Variants in PCDHGA3 observed in about 807,000 individuals in gnomAD.
The protein encoded by PCDHGA3 is protocadherin gamma subfamily A, 3.
Under a neutral mutation model 58.5 loss-of-function variants are expected in PCDHGA3, and 40 were observed. That is an observed-to-expected ratio of 0.68 (90% CI 0.53 to 0.89). The LOEUF (loss-of-function observed/expected upper bound fraction) is 0.89. Ranked by LOEUF, PCDHGA3 falls within the 40% of genes least tolerant of loss-of-function variation. The probability of loss-of-function intolerance (pLI) is 0.00; values close to 1 mark genes in which losing one functional copy is unlikely to be tolerated. For synonymous variants in PCDHGA3, 530 were observed against 525.7 expected (o/e 1.01, Z -0.11); for missense variants, 1,223 against 1,195.9 (o/e 1.02, Z -0.33).
chr5:141,350,765 A>G (rs1261918788), intron 1 of PCDHGA3: 1 of 1,613,858 alleles, frequency 6.2e-7, no homozygotes, highest in Non-Finnish European at 8.5e-7. Context: ...GTTATACACC[A>G]TCAACCCCAA....
rs531285035 is a variant in PCDHGA3, at chr5:141,493,409, C to T, written c.2425-1398C>T. Among the ~76,000 whole-genome samples, 4 of 152,286 alleles carry T rather than the reference C, an allele frequency of 2.6e-5. No homozygotes were observed. The East Asian group carries it at 7.7e-4, about 29-fold the overall frequency. On this transcript the variant is annotated intron_variant, in intron 1 of 3. Coordinates refer to ENST00000253812, the MANE Select transcript of PCDHGA3 (RefSeq NM_018916.4). The surrounding 1 kb of genome is among the most constrained non-coding windows in gnomAD (Gnocchi z 4.3). Reference sequence around the variant, plus strand: ...GGACAGGAGAGGGGAGTTGCCTCTGCTGGGATTTTGCTTCTGCTGGGATGG... The same window carrying T: ...GGACAGGAGAGGGGAGTTGCCTCTGTTGGGATTTTGCTTCTGCTGGGATGG...
intron 1 of PCDHGA3, chr5:141,468,381 G>A (rs1297428363): frequency 2.0e-5 from 3 of 149,754 alleles, no homozygotes; most frequent in South Asian, 2.1e-4. Flanking sequence ...AGCCATACAA[G>A]GCTACCCATT....
chr5:141,350,595 A>G (rs1318034873), intron 1 of PCDHGA3: 2 of 1,614,002 alleles, frequency 1.2e-6, no homozygotes, highest in African/African-American at 1.3e-5. Flanking sequence ...AACCCAATGA[A>G]TGTTTTCCAC....
Position 141,345,110 on chromosome 5 carries a change from G to A in PCDHGA3, c.1077G>A (p.Glu359=). The stretch of plus-strand genomic sequence containing the variant: ...CTCTCACAAGCTCAGTCCCAGAAGA[G>A]GGCACCGTTGGAAGAGAAATTGCTC... ...ITSLTSSVPE[E]GTVGREIALI... is the part of the protein sequence containing the mutation. The change falls in exon 1 of 4, where the codon GAG becomes GAA. Residue 359 remains glutamate, a synonymous_variant. Coordinates refer to ENST00000253812, the MANE Select transcript of PCDHGA3 (RefSeq NM_018916.4). The A allele has an allele frequency of 6.2e-7, 1 of 1,613,944 alleles. No individual in the cohort carries two copies. The highest frequency in any genetic ancestry group is 2.2e-5 in the East Asian group (1 of 44,882).
intron 1 of PCDHGA3, chr5:141,360,285 C>T: frequency 1.2e-6 from 2 of 1,613,972 alleles, no homozygotes; most frequent in Non-Finnish European, 1.7e-6. Context: ...TAGGAAACCT[C>T]GCCAAGGATC....
At chr5:141,356,834 A>ATG in intron 1 of PCDHGA3, 2 of 1,614,166 alleles carry the variant, frequency 1.2e-6, no homozygotes, top group Non-Finnish European at 1.7e-6. Flanking sequence ...CTCAGCAGCA[A>ATG]TGTGTCACTG....
intron 1 of PCDHGA3, among the ~76,000 whole-genome samples, chr5:141,347,888 A>T (rs1371137056): frequency 3.3e-5 from 5 of 152,176 alleles, no homozygotes; most frequent in African/African-American, 7.2e-5. Flanking sequence ...TTTGATTTCA[A>T]CATTTTGCCT....
intron 1 of PCDHGA3, among the ~76,000 whole-genome samples, chr5:141,354,179 G>A (rs1271601077): frequency 6.6e-6 from 1 of 152,076 alleles, no homozygotes; most frequent in Non-Finnish European, 1.5e-5. Context: ...ACTATTATCT[G>A]CACTTTATAG....
chr5:141,374,554 C>G (rs1412584015), intron 1 of PCDHGA3: 1 of 1,613,560 alleles, frequency 6.2e-7, no homozygotes, highest in African/African-American at 1.3e-5. Flanking sequence ...TAATGGAGGT[C>G]TATGACCCTG....
rs756300628 is a variant in PCDHGA3, at chr5:141,345,902, G to T, written c.1869G>T (p.Thr623=). 2.5e-6 allele frequency: 4 copies of T among 1,611,582 alleles called. No homozygotes were observed. The highest frequency in any genetic ancestry group is 1.7e-5 in the Admixed American group (1 of 59,860). Residue 623 remains threonine (T), a synonymous_variant, in exon 1 of 4, where the codon ACG becomes ACT. Coordinates refer to ENST00000253812, the MANE Select transcript of PCDHGA3 (RefSeq NM_018916.4). ...EPGLFSVGLH[T]GEVRTARALL... is the part of the protein sequence containing the mutation. ...GACTCTTCTCGGTGGGTCTGCACAC[G>T]GGCGAGGTGCGCACGGCGCGAGCCC...
At chr5:141,470,649 C>T (rs1486535307) in intron 1 of PCDHGA3, among the ~76,000 whole-genome samples, 1 of 152,160 alleles carries the variant, frequency 6.6e-6, no homozygotes, top group African/African-American at 2.4e-5. Flanking sequence ...TTGAAGGCCC[C>T]TACCCTTTGG....
intron 1 of PCDHGA3, chr5:141,370,231 G>C: frequency 1.7e-6 from 1 of 591,382 alleles, no homozygotes; most frequent in South Asian, 3.3e-5. Context: ...CAGCCAGCTC[G>C]GAAGAAAAGT....
intron 1 of PCDHGA3, chr5:141,392,542 A>T: frequency 3.1e-6 from 1 of 323,438 alleles, no homozygotes; most frequent in South Asian, 1.2e-4. Flanking sequence ...ATTTAGAAGT[A>T]ATCTGTATCT....
At position 141,489,644 on chromosome 5, in the gene PCDHGA3, C is replaced by T. The variant is rs1244782345; in HGVS notation, c.2425-5163C>T. 11 of 1,614,070 alleles carry T rather than the reference C, an allele frequency of 6.8e-6. No individual in the cohort carries two copies. The Admixed American group carries it at 1.8e-4, about 27-fold the overall frequency. ...AATGACAACTCTCCTAGCTTTGCCA[C>T]CCCTGAGCGAGAGATGCGCATCTCA... is the stretch of plus-strand genomic sequence containing the variant. On this transcript the variant is annotated intron_variant, in intron 1 of 3. Coordinates refer to ENST00000253812, the MANE Select transcript of PCDHGA3 (RefSeq NM_018916.4). The surrounding 1 kb of genome is among the most constrained non-coding windows in gnomAD (Gnocchi z 4.5).
intron 1 of PCDHGA3, chr5:141,384,815 A>G (rs1780542398): frequency 5.6e-6 from 9 of 1,613,482 alleles, no homozygotes; most frequent in East Asian, 2.2e-5. Flanking sequence ...GATGCCCTCA[A>G]GCAGAGCCTC....
chr5:141,434,820 G>A (rs953824837), intron 1 of PCDHGA3, among the ~76,000 whole-genome samples: 1 of 151,302 alleles, frequency 6.6e-6, no homozygotes, highest in Admixed American at 6.6e-5. Flanking sequence ...ATATCCCTTA[G>A]TACACTTGGC....
chr5:141,462,375 T>G (rs2099038282), intron 1 of PCDHGA3, among the ~76,000 whole-genome samples: 1 of 152,252 alleles, frequency 6.6e-6, no homozygotes, highest in Non-Finnish European at 1.5e-5. Context: ...TTCTATTCTT[T>G]TAAATTCGTT....
Position 141,489,819 on chromosome 5 carries a change from G to T in PCDHGA3, c.2425-4988G>T. On this transcript the variant is annotated intron_variant, in intron 1 of 3. Transcript: ENST00000253812. This position sits in a 1 kb window ranked among gnomAD's most constrained non-coding sequence, Gnocchi z 4.5. ...TAAAAGATGGGAAGCCATTCCCAGA[G>T]CTGGTGCTAGAGCAGCAGCTGGATC... 6.2e-7 allele frequency: 1 copy of T among 1,614,190 alleles called. No homozygotes were observed.
In PCDHGA3 at chr5:141,486,049, C is replaced by T. The variant is rs766853468; in HGVS notation, c.2425-8758C>T. 1 of 1,614,206 alleles carries T rather than the reference C, an allele frequency of 6.2e-7. No homozygotes were observed. The highest frequency in any genetic ancestry group is 8.5e-7 in the Non-Finnish European group (1 of 1,180,034). ...ATACCCCTGATCGTGTAAGAAACCT[C>T]TTTAGCCTGCACCCCACTACTGGAA... On this transcript the variant is annotated intron_variant, in intron 1 of 3. Transcript: ENST00000253812. The surrounding 1 kb of genome is among the most constrained non-coding windows in gnomAD (Gnocchi z 5.0).
Sources: allele counts gnomAD v4.1 joint callset (sites outside exome capture counted in the v4.1 genomes callset), GRCh38; gene constraint gnomAD v4.1.1; non-coding constraint Gnocchi (gnomAD v3.1); transcripts MANE v1.5; gene names NCBI Gene and HGNC (gene_info 2026-07-23, HGNC 2026-07-21).